Variants in LRRC9 observed in about 807,000 individuals in gnomAD.
LRRC9 encodes leucine-rich repeat-containing protein 9.
A neutral mutation model predicts 63.2 loss-of-function variants in LRRC9; 122 were observed. The ratio of observed to expected loss-of-function variants is 1.93; its 90% CI spans 1.67 to 2.24. LRRC9 has a LOEUF of 2.24. Ranked by LOEUF, LRRC9 falls within the 30% of genes most tolerant of loss-of-function variation. LRRC9 has a pLI of 0.00. For missense variants in LRRC9, 1,071 were observed against 627.7 expected (o/e 1.71, Z -7.55); for synonymous variants, 366 against 213.1 (o/e 1.72, Z -6.25).
intron 17 of LRRC9, among the ~76,000 whole-genome samples, chr14:59,988,742 T>C (rs1418967271): frequency 6.6e-6 from 1 of 152,162 alleles, no homozygotes; most frequent in Non-Finnish European, 1.5e-5. Flanking sequence ...TTTTAATTCA[T>C]TGGTAATTGT....
At chr14:60,047,023 G>C (rs1182274666) in intron 29 of LRRC9, among the ~76,000 whole-genome samples, 1 of 152,084 alleles carries the variant, frequency 6.6e-6, no homozygotes, top group Non-Finnish European at 1.5e-5. Flanking sequence ...TGTAACAATT[G>C]TGATTGGGAG....
At chr14:60,012,067 A>G (rs543067839) in intron 23 of LRRC9, among the ~76,000 whole-genome samples, 2 of 152,232 alleles carry the variant, frequency 1.3e-5, no homozygotes, top group Non-Finnish European at 2.9e-5. Flanking sequence ...GTGAGGCTCT[A>G]ATACTTTCAT....
chr14:59,931,584 A>T, intron 4 of LRRC9, 35 bp from the exon 5 acceptor site: 1 of 682,144 alleles, frequency 1.5e-6, no homozygotes, highest in South Asian at 1.6e-5. Flanking sequence ...AATTTTAATT[A>T]TCTGTTCTAA....
At chr14:59,994,491 C>T (rs1451580368) in intron 17 of LRRC9, among the ~76,000 whole-genome samples, 1 of 152,160 alleles carries the variant, frequency 6.6e-6, no homozygotes, top group Non-Finnish European at 1.5e-5. Context: ...TACCATTTGA[C>T]CCAGCCATCC....
chr14:59,958,920 C>G lies in LRRC9; in HGVS notation c.883-898C>G, dbSNP rs933128193. Among the ~76,000 whole-genome samples, 3 of 152,182 alleles carry G rather than the reference C, an allele frequency of 2.0e-5. No individual in the cohort carries two copies. Among genetic ancestry groups the G allele is most frequent in the Non-Finnish European group, 4.4e-5 (3 of 68,022 alleles). ...TGTGACACCCCACCCTGCTTCTGCT[C>G]ACCCTCTGTGGGTTGGACCCACTGT... is the stretch of plus-strand genomic sequence containing the variant. On this transcript the variant is annotated intron_variant, in intron 8 of 31. Coordinates refer to ENST00000445360, the Ensembl canonical transcript of LRRC9. This position sits in a 1 kb window ranked among gnomAD's most constrained non-coding sequence, Gnocchi z 4.0.
chr14:59,975,817 T>TA (rs934180265), intron 13 of LRRC9, among the ~76,000 whole-genome samples: 1 of 152,194 alleles, frequency 6.6e-6, no homozygotes, highest in African/African-American at 2.4e-5. Flanking sequence ...ACCTATTCTT[T>TA]AGTCTCAACC....
chr14:60,052,982 A>G, intron 29 of LRRC9, 83 bp from the exon 30 acceptor site: 1 of 577,564 alleles, frequency 1.7e-6, no homozygotes, highest in Non-Finnish European at 3.1e-6. Context: ...TTTGTTGCCT[A>G]TGCTAAATTT....
Position 59,995,112 on chromosome 14 carries a change from G to T in LRRC9, c.2212-2544G>T, listed in dbSNP as rs568082105. Among the ~76,000 whole-genome samples, 3 of 152,252 alleles carry T rather than the reference G, an allele frequency of 2.0e-5. No individual in the cohort carries two copies. The East Asian group carries it at 5.8e-4, about 29-fold the overall frequency. On this transcript the variant is annotated intron_variant, in intron 17 of 31. Coordinates refer to ENST00000445360, the Ensembl canonical transcript of LRRC9. The stretch of plus-strand genomic sequence containing the variant: ...CTAAGGCTTTCTTTATGCAGTGGAA[G>T]GACTGGGATTCATAAGTCATAGAAA...
At chr14:60,060,000 G>C (rs183580668) in intron 31 of LRRC9, among the ~76,000 whole-genome samples, 73 of 152,302 alleles carry the variant, frequency 4.8e-4, no homozygotes, top group Admixed American at 6.5e-4. Flanking sequence ...AAGCTTCAAA[G>C]GACAGTCTGA....
At chr14:59,988,993 G>A (rs918233210) in intron 17 of LRRC9, among the ~76,000 whole-genome samples, 1 of 152,048 alleles carries the variant, frequency 6.6e-6, no homozygotes, top group Non-Finnish European at 1.5e-5. Context: ...ACAAAGTATT[G>A]TTGTAGAAAG....
intron 26 of LRRC9, among the ~76,000 whole-genome samples, chr14:60,019,779 T>C (rs1336518191): frequency 1.3e-5 from 2 of 151,734 alleles, no homozygotes; most frequent in Non-Finnish European, 2.9e-5. Flanking sequence ...ATGGAATAGA[T>C]ACTTTATGCA....
At chr14:60,063,903 A>G (rs1566919350), downstream of LRRC9, among the ~76,000 whole-genome samples, 1 of 152,130 alleles carries the variant, frequency 6.6e-6, no homozygotes, top group African/African-American at 2.4e-5. Context: ...TTAGGACTGT[A>G]TTTTTTTAAA....
intron 29 of LRRC9, among the ~76,000 whole-genome samples, chr14:60,052,338 T>C (rs1893957356): frequency 1.3e-5 from 2 of 152,236 alleles, no homozygotes; most frequent in South Asian, 4.1e-4. Flanking sequence ...CATCCTAAAA[T>C]GCTGCAATTT....
rs1406674323 is a variant in LRRC9 at position 60,053,490 on chromosome 14, T to C, written c.4131+285T>C. Among the ~76,000 whole-genome samples the C allele has an allele frequency of 1.3e-5, 2 of 152,150 alleles. No individual in the cohort carries two copies. The highest frequency in any genetic ancestry group is 4.8e-5 in the African/African-American group (2 of 41,420). ...TCATACTCTGACATAAGGAAAGTTA[T>C]TTAATATTTGTATGCTCAATATGTC... is the stretch of plus-strand genomic sequence containing the variant. On this transcript the variant is annotated intron_variant, in intron 30 of 31. Transcript: ENST00000445360. The surrounding 1 kb of genome is among the most constrained non-coding windows in gnomAD (Gnocchi z 4.8).
intron 17 of LRRC9, among the ~76,000 whole-genome samples, chr14:59,988,502 T>A (rs923545983): frequency 2.0e-5 from 3 of 152,192 alleles, no homozygotes; most frequent in African/African-American, 7.2e-5. Context: ...TTCTTAAGGA[T>A]ACAAGATGAT....
chr14:59,984,081 A>C (rs12893649), intron 16 of LRRC9, among the ~76,000 whole-genome samples: 2 of 152,336 alleles, frequency 1.3e-5, no homozygotes, highest in Non-Finnish European at 2.9e-5. Context: ...GAGGGAAAGC[A>C]GGTGATCAAC....
At chr14:59,976,345 G>A (rs1886284018) in intron 13 of LRRC9, among the ~76,000 whole-genome samples, 1 of 152,136 alleles carries the variant, frequency 6.6e-6, no homozygotes, top group Admixed American at 6.5e-5. Context: ...ACCAGTCCCT[G>A]GTGCCAAAAA....
Position 60,049,675 on chromosome 14 carries a change from C to G in LRRC9, c.3991-3390C>G, listed in dbSNP as rs143592068. 7.8e-4 allele frequency among the ~76,000 whole-genome samples: 118 copies of G among 152,216 alleles called. 1 individual carries two copies. Among genetic ancestry groups the G allele is most frequent in the African/African-American group, 2.6e-3 (106 of 41,546 alleles). ...GTGACTTGGTCTTTTTCCCTGGCTG[C>G]TCTTAACATTTTTTCTTTCATTTTG... On this transcript the variant is annotated intron_variant, in intron 29 of 31. Transcript: ENST00000445360.
At chr14:59,933,290 G>C (rs1889862406) in intron 6 of LRRC9, among the ~76,000 whole-genome samples, 3 of 152,086 alleles carry the variant, frequency 2.0e-5, no homozygotes, top group South Asian at 4.1e-4. Context: ...TAGAATACCA[G>C]CTCTCTGAGT....
Sources: allele counts gnomAD v4.1 joint callset (sites outside exome capture counted in the v4.1 genomes callset), GRCh38; gene constraint gnomAD v4.1.1; non-coding constraint Gnocchi (gnomAD v3.1); transcripts MANE v1.5; gene names NCBI Gene and HGNC (gene_info 2026-07-23, HGNC 2026-07-21).